The following MPP2 variants were observed in gnomAD, a reference collection of about 807,000 sequenced individuals.
The protein encoded by MPP2 is MAGUK p55 subfamily member 2.
In MPP2, 42 loss-of-function variants were observed where a neutral mutation model predicts 58.5. The ratio of observed to expected loss-of-function variants is 0.72; its 90% confidence interval spans 0.56 to 0.93. The LOEUF is 0.93. Ranked by LOEUF, MPP2 falls within the 40% of genes least tolerant of loss-of-function variation. MPP2 has a pLI of 0.00. For synonymous variants in MPP2, 300 were observed against 307.8 expected (o/e 0.97, Z 0.26); for missense variants, 632 against 760.4 (o/e 0.83, Z 1.99).
At chr17:43,884,797 C>T (rs980857570) in intron 3 of MPP2, among the ~76,000 whole-genome samples, 1 of 32,544 alleles carries the variant, frequency 3.1e-5, no homozygotes, top group Non-Finnish European at 5.8e-5. Flanking sequence ...CCCATCATTC[C>T]TTCTACATTA....
chr17:43,884,719 T>C (rs2047293921), intron 3 of MPP2, among the ~76,000 whole-genome samples: 1 of 152,266 alleles, frequency 6.6e-6, no homozygotes, highest in Non-Finnish European at 1.5e-5. Context: ...ATGGATTTAG[T>C]GTCAATTTAT....
intron 6 of MPP2, 89 bp downstream of exon 6, chr17:43,882,195 T>C: frequency 3.2e-6 from 4 of 1,248,292 alleles, no homozygotes; most frequent in Non-Finnish European, 4.5e-6. Flanking sequence ...AGGAAACCAG[T>C]AGGAGAGGAG....
chr17:43,904,356 G>A (rs1412358793), intron 2 of MPP2, 74 bp downstream of exon 2: 7 of 1,446,100 alleles, frequency 4.8e-6, no homozygotes, highest in Non-Finnish European at 9.7e-7. Flanking sequence ...AGCTGTGCAA[G>A]TGCCCACCCC....
chr17:43,896,203 C>A (rs144302348), intron 3 of MPP2, among the ~76,000 whole-genome samples: 49 of 152,254 alleles, frequency 3.2e-4, no homozygotes, highest in African/African-American at 1.2e-3. Context: ...CCACCATGCA[C>A]TGAAAACCCT....
chr17:43,906,193 T>C, intron 1 of MPP2: 1 of 932,538 alleles, frequency 1.1e-6, no homozygotes, highest in Non-Finnish European at 1.3e-6. Context: ...GGATCCTGTA[T>C]GAAATCCCTG....
rs76832034 is a variant in MPP2 at position 43,881,488 on chromosome 17, G to C, written c.783C>G (p.Ile261Met). 2 of 1,614,152 alleles carry C rather than the reference G, an allele frequency of 1.2e-6. No individual in the cohort carries two copies. Among genetic ancestry groups the C allele is most frequent in the Non-Finnish European group, 1.7e-6 (2 of 1,180,012 alleles). The part of the protein sequence containing the change: ...LRFNAGDLLQ[I>M]VNQDDANWWQ... ...ACCAGTTGGCATCATCCTGGTTTAC[G>C]ATCTGGAGCAAGTCCCCGGCGTTGA... Residue 261 changes from isoleucine to methionine, a missense_variant, in exon 7 of 13, where the codon ATC (isoleucine) becomes ATG (methionine). By Grantham distance (10) the Ile-to-Met change is conservative. Transcript: ENST00000269095.
In MPP2 at chr17:43,904,575, C is replaced by T. The variant is rs990328564; in HGVS notation, c.-33-82G>A. The stretch of plus-strand genomic sequence containing the variant: ...AATAGGAAGAGCCTCCCCTTCAGGA[C>T]GAGCCAGAAAGGTAGGGGAGAAGGT... On this transcript the variant is annotated intron_variant, in intron 1 of 12. Transcript: ENST00000269095. 6.2e-5 allele frequency: 79 copies of T among 1,271,392 alleles called. 2 individuals are homozygous for T. In the South Asian group the frequency reaches 6.3e-4, roughly 10 times the overall value. The allele number at this position is 1,271,392 out of a possible 1,614,324, so 78.8% of individuals were successfully genotyped here.
upstream of MPP2, among the ~76,000 whole-genome samples, chr17:43,908,307 C>T (rs2048365120): frequency 6.6e-6 from 1 of 152,234 alleles, no homozygotes; most frequent in South Asian, 2.1e-4. Flanking sequence ...AGGCTCTGTG[C>T]AGTGCGACTA....
At chr17:43,905,747 C>G (rs1018488844) in intron 1 of MPP2, among the ~76,000 whole-genome samples, 9 of 152,114 alleles carry the variant, frequency 5.9e-5, no homozygotes, top group Non-Finnish European at 1.2e-4. Flanking sequence ...CCACCTCCCC[C>G]CAAAAGAGGA....
intron 12 of MPP2, among the ~76,000 whole-genome samples, chr17:43,878,327 G>A (rs77893898): frequency 0.011 from 1,610 of 152,284 alleles, 24 homozygotes; most frequent in African/African-American, 0.037. Context: ...GCCAGTCAGT[G>A]GCTAAACAGG....
At chr17:43,888,510 A>C (rs2047463459) in intron 3 of MPP2, among the ~76,000 whole-genome samples, 1 of 152,194 alleles carries the variant, frequency 6.6e-6, no homozygotes. Flanking sequence ...CAAATAACTG[A>C]GTGTCAAGAA....
chr17:43,903,847 A>G (rs1032686729), intron 2 of MPP2, among the ~76,000 whole-genome samples: 1 of 152,188 alleles, frequency 6.6e-6, no homozygotes, highest in African/African-American at 2.4e-5. Context: ...GCAGTTTGCC[A>G]CTGAGGCTTT....
intron 3 of MPP2, among the ~76,000 whole-genome samples, chr17:43,885,210 A>G (rs1174475417): frequency 6.6e-6 from 1 of 151,246 alleles, no homozygotes; most frequent in African/African-American, 2.4e-5. Context: ...TGATATCACT[A>G]TGAATTTTTT....
chr17:43,882,133 CGGCTGCGGTCAGCTGCCCCTG>C (rs2047157233), intron 6 of MPP2, 130 bp downstream of exon 6: 1 of 703,862 alleles, frequency 1.4e-6, no homozygotes, highest in African/African-American at 1.8e-5. Context: ...GGCCTGTCGG[CGGCTGCGGTCAGCTGCCCCTG>C]GGCTGCAGGT....
In MPP2 at chr17:43,900,415, G is replaced by A. The variant is rs1004423340; in HGVS notation, c.32-2035C>T. 1.2e-5 allele frequency: 19 copies of A among 1,534,194 alleles called. No homozygotes were observed. The Admixed American group carries it at 3.5e-4, about 28-fold the overall frequency. ...CCCCAGATGCCCCGACTCTGCTGGAGGAAGGTAGGCTAAGGGGCCAGCTGC... is the reference window on the plus strand; with the variant it reads ...CCCCAGATGCCCCGACTCTGCTGGAAGAAGGTAGGCTAAGGGGCCAGCTGC... On this transcript the variant is annotated intron_variant, in intron 2 of 12. Coordinates refer to ENST00000269095, the MANE Select transcript of MPP2 (RefSeq NM_005374.5).
intron 2 of MPP2, chr17:43,900,527 A>T (rs1170002545): frequency 1.9e-6 from 3 of 1,546,356 alleles, no homozygotes; most frequent in Admixed American, 3.9e-5. Flanking sequence ...CTCCAAGGAG[A>T]CCCCGCTGCC....
In MPP2 at chr17:43,880,916, G is replaced by A. The variant is rs541975746; in HGVS notation, c.989-64C>T. The A allele has an allele frequency of 3.1e-3, 4,799 of 1,558,926 alleles. 8 individuals carry two copies. Among genetic ancestry groups the A allele is most frequent in the Non-Finnish European group, 3.4e-3 (3,931 of 1,148,814 alleles). ...GGTGAGGGAGGGGCGGAGCTCTCAG[G>A]GAGGCTGAGGGCAAGAGGGCTTGGA... On this transcript the variant is annotated intron_variant, in intron 9 of 12. Coordinates refer to ENST00000269095, the MANE Select transcript of MPP2 (RefSeq NM_005374.5). The surrounding 1 kb of genome is among the most constrained non-coding windows in gnomAD (Gnocchi z 5.2).
intron 3 of MPP2, among the ~76,000 whole-genome samples, chr17:43,883,923 T>C (rs560508428): frequency 2.0e-4 from 30 of 152,258 alleles, no homozygotes; most frequent in African/African-American, 6.0e-4. Context: ...CAAGGAGCGC[T>C]GAAAACAGAA....
At chr17:43,900,443 C>CCCCCCCCAAAG in intron 2 of MPP2, 2 of 1,546,076 alleles carry the variant, frequency 1.3e-6, no homozygotes, top group Non-Finnish European at 1.7e-6. Flanking sequence ...CCAGCTGCCC[C>CCCCCCCCAAAG]GCCCCCATCT....
Sources: gnomAD v4.1 joint callset for allele counts (sites outside exome capture counted in the v4.1 genomes callset) on GRCh38, gnomAD v4.1.1 for gene constraint, Gnocchi (gnomAD v3.1) non-coding constraint, MANE v1.5 for transcripts, NCBI Gene and HGNC (gene_info 2026-07-23, HGNC 2026-07-21) for gene names.